The following CERS2 variants were observed in gnomAD, a reference collection of about 807,000 sequenced individuals.
CERS2 encodes the protein LAG1 homolog, ceramide synthase 2.
In CERS2, 20 loss-of-function variants were observed where a neutral mutation model predicts 56.6. That is an observed-to-expected ratio of 0.35 (90% confidence interval 0.25 to 0.51). The LOEUF (loss-of-function observed/expected upper bound fraction) is 0.51. CERS2 is among the 20% of genes least tolerant of loss of function. CERS2 has a pLI of 0.96. For synonymous variants in CERS2, 187 were observed against 175.4 expected, an observed-to-expected ratio of 1.07 and a Z score of -0.52; for missense variants, 361 against 488.6, an observed-to-expected ratio of 0.74 and a Z score of 2.46.
chr1:150,968,850 C>G (rs770512285), intron 2 of CERS2, 68 bp downstream of exon 2: 9 of 1,476,548 alleles, frequency 6.1e-6, no homozygotes, highest in Non-Finnish European at 8.4e-6. Flanking sequence ...CAGCAAGGAA[C>G]AAACTTGAAG....
chr1:150,966,146 G>T lies in CERS2; in HGVS notation c.*2C>A, dbSNP rs768378257. 1.2e-6 allele frequency: 2 copies of T among 1,611,464 alleles called. No individual in the cohort carries two copies. Among genetic ancestry groups the T allele is most frequent in the South Asian group, 1.1e-5 (1 of 90,732 alleles). ...AATCTGGGAGGCAGCTGGAGTAATGGTTCAGTCATTCTTACGATGGTTGTT... is the reference window on the plus strand; with the variant it reads ...AATCTGGGAGGCAGCTGGAGTAATGTTTCAGTCATTCTTACGATGGTTGTT... On this transcript the variant is annotated 3_prime_UTR_variant, in exon 11 of 11. Coordinates refer to ENST00000368954, the MANE Select transcript of CERS2 (RefSeq NM_022075.5).
Position 150,967,137 on chromosome 1 carries a change from G to A in CERS2, c.678C>T (p.Ala226=), listed in dbSNP as rs769211067. ...TIILISFSWF[A]NYIRAGTLIM... Reference sequence around the variant, plus strand: ...TTAGAGTCCCAGCTCGGATGTAATTGGCAAACCAGGAAAAGCTGATGAGAA... The same window carrying A: ...TTAGAGTCCCAGCTCGGATGTAATTAGCAAACCAGGAAAAGCTGATGAGAA... Residue 226 remains alanine (A), a synonymous_variant, in exon 8 of 11, where the codon GCC becomes GCT. Transcript: ENST00000368954. The A allele has an allele frequency of 1.2e-6, 2 of 1,613,770 alleles. No individual in the cohort carries two copies. The highest frequency in any genetic ancestry group is 1.1e-5 in the South Asian group (1 of 91,064).
intron 10 of CERS2, 22 bp downstream of exon 10, chr1:150,966,454 C>T: frequency 6.2e-7 from 1 of 1,613,834 alleles, no homozygotes; most frequent in South Asian, 1.1e-5. Flanking sequence ...GTAAGGCCTA[C>T]ACAATGGGAA....
At chr1:150,971,951 G>T in intron 1 of CERS2, 1 of 468,930 alleles carries the variant, frequency 2.1e-6, no homozygotes, top group South Asian at 1.6e-5. Context: ...CCCCAACCAG[G>T]TCTGTGAAAA....
rs1158135682 is a variant in CERS2, at chr1:150,966,045, ACT to A, written c.*101_*102del. The A allele has an allele frequency of 1.6e-6, 2 of 1,226,942 alleles. No homozygotes were observed. Among genetic ancestry groups the A allele is most frequent in the Non-Finnish European group, 2.2e-6 (2 of 890,928 alleles). The allele number at this position is 1,226,942 out of a possible 1,614,324, so 76.0% of individuals were successfully genotyped here. On this transcript the variant is annotated 3_prime_UTR_variant, in exon 11 of 11. Coordinates refer to ENST00000368954, the MANE Select transcript of CERS2 (RefSeq NM_022075.5). ...GGAGGATGCAGAGAACTCTCCTCTC[ACT>A]TTCTCCTTTTTCCCCAGAGCTTAAA...
At chr1:150,973,984 G>A in intron 1 of CERS2, 1 of 152,800 alleles carries the variant, frequency 6.5e-6, no homozygotes, top group Non-Finnish European at 1.5e-5. Flanking sequence ...TCCCTTGCCA[G>A]CCATCCACAC....
chr1:150,966,709 G>C (rs774874476), intron 9 of CERS2, 47 bp downstream of exon 9: 7 of 1,598,758 alleles, frequency 4.4e-6, no homozygotes, highest in African/African-American at 1.3e-5. Flanking sequence ...GAAAGGCAAG[G>C]CTCCTGATTT....
intron 1 of CERS2, among the ~76,000 whole-genome samples, chr1:150,970,585 G>A (rs1671154204): frequency 6.6e-6 from 1 of 152,136 alleles, no homozygotes; most frequent in Non-Finnish European, 1.5e-5. Flanking sequence ...CCACCTCCCA[G>A]GTTCAAGCCA....
rs370697718 is a variant in CERS2 at position 150,968,888 on chromosome 1, GA to G, written c.173+29del. Reference sequence around the variant, plus strand: ...CAAGAAACTGCAACTGGCAACAGGGGAAGGCATGAGGGTAGGCTGGCATGCT... The same window carrying G: ...CAAGAAACTGCAACTGGCAACAGGGGAGGCATGAGGGTAGGCTGGCATGCT... On this transcript the variant is annotated intron_variant, in intron 2 of 10. Coordinates refer to ENST00000368954, the MANE Select transcript of CERS2 (RefSeq NM_022075.5). The G allele has an allele frequency of 1.5e-4, 239 of 1,599,676 alleles. No homozygotes were observed. In the African/African-American group the frequency reaches 2.9e-3, roughly 19 times the overall value.
chr1:150,968,561 G>A (rs1282934721), intron 2 of CERS2, 49 bp from the exon 3 acceptor site: 2 of 1,440,640 alleles, frequency 1.4e-6, no homozygotes, highest in African/African-American at 1.4e-5. Context: ...GAAGGGAAAG[G>A]GCTGCAAGCT....
At position 150,965,887 on chromosome 1, in the gene CERS2, T is replaced by C. The variant is rs1670995431; in HGVS notation, c.*261A>G. Reference sequence around the variant, plus strand: ...AGCTGAGGGAGGGCCTCAAAAGCAGTAGAAAGGATGACTTGGCGGGTAGGG... The same window carrying C: ...AGCTGAGGGAGGGCCTCAAAAGCAGCAGAAAGGATGACTTGGCGGGTAGGG... On this transcript the variant is annotated 3_prime_UTR_variant, in exon 11 of 11. Coordinates refer to ENST00000368954, the MANE Select transcript of CERS2 (RefSeq NM_022075.5). 1 of 401,586 alleles carries C rather than the reference T, an allele frequency of 2.5e-6. No homozygotes were observed. The highest frequency in any genetic ancestry group is 4.4e-6 in the Non-Finnish European group (1 of 226,596). 24.9% of individuals were successfully genotyped at this position (401,586 alleles called of 1,614,324 possible). A position where few individuals can be genotyped will look rare whatever the true frequency, so the allele number is the denominator to read the frequency against.
At chr1:150,972,279 C>T (rs1311645248) in intron 1 of CERS2, among the ~76,000 whole-genome samples, 1 of 152,192 alleles carries the variant, frequency 6.6e-6, no homozygotes, top group Non-Finnish European at 1.5e-5. Context: ...TGGTCCTGCA[C>T]CTCCATTAGC....
At chr1:150,966,325 TC>T in intron 10 of CERS2, 37 bp from the exon 11 acceptor site, 1 of 1,608,370 alleles carries the variant, frequency 6.2e-7, no homozygotes, top group South Asian at 1.1e-5. Context: ...TTACATGAGA[TC>T]CTCAAACCCC....
At chr1:150,972,096 T>C (rs1671195586) in intron 1 of CERS2, among the ~76,000 whole-genome samples, 1 of 152,164 alleles carries the variant, frequency 6.6e-6, no homozygotes, top group African/African-American at 2.4e-5. Context: ...AAGTAGGCAC[T>C]AGAGCATGGT....
rs767808328 is a variant in CERS2, at chr1:150,966,109, G to C, written c.*39C>G. 3 of 1,600,208 alleles carry C rather than the reference G, an allele frequency of 1.9e-6. No homozygotes were observed. The highest frequency in any genetic ancestry group is 2.6e-6 in the Non-Finnish European group (3 of 1,172,742). ...GCGCAGGGAGCGGGGTAGTTCCTTG[G>C]CTTTATGCATTAATCTGGGAGGCAG... On this transcript the variant is annotated 3_prime_UTR_variant, in exon 11 of 11. Transcript: ENST00000368954.
At position 150,967,833 on chromosome 1, in the gene CERS2, G is replaced by A; in HGVS notation, c.455C>T (p.Ala152Val). The A allele has an allele frequency of 6.2e-7, 1 of 1,613,746 alleles. No individual in the cohort carries two copies. The highest frequency in any genetic ancestry group is 8.5e-7 in the Non-Finnish European group (1 of 1,179,632). ...ATCCCCACTCACATCCACAATGACGGCCATGCCGGCAATGAAGGCAATCAG... is the reference window on the plus strand; with the variant it reads ...ATCCCCACTCACATCCACAATGACGACCATGCCGGCAATGAAGGCAATCAG... ...FYLIAFIAGM[A>V]VIVDKPWFYD... is the part of the protein sequence containing the mutation. Residue 152 changes from alanine (A) to valine (V), a missense_variant, in exon 5 of 11, where the codon GCC becomes GTC. Physicochemically the swap from Ala to Val is moderately conservative, Grantham distance 64. Transcript: ENST00000368954.
At chr1:150,967,608 T>C (rs1671061330) in intron 6 of CERS2, 56 bp downstream of exon 6, 1 of 1,519,250 alleles carries the variant, frequency 6.6e-7, no homozygotes. Flanking sequence ...CCACAAACCG[T>C]CTCTTCACTA....
At chr1:150,973,413 G>A (rs955104547) in intron 1 of CERS2, among the ~76,000 whole-genome samples, 1 of 152,258 alleles carries the variant, frequency 6.6e-6, no homozygotes, top group Non-Finnish European at 1.5e-5. Flanking sequence ...TGAGGGATCA[G>A]CCAGCCTATG....
intron 1 of CERS2, among the ~76,000 whole-genome samples, chr1:150,973,743 C>T (rs1305515700): frequency 6.6e-6 from 1 of 152,220 alleles, no homozygotes; most frequent in African/African-American, 2.4e-5. Flanking sequence ...GGACTCACTT[C>T]TCCAGGAACA....
Sources: allele counts gnomAD v4.1 joint callset (sites outside exome capture counted in the v4.1 genomes callset), GRCh38; gene constraint gnomAD v4.1.1; transcripts MANE v1.5; gene names NCBI Gene and HGNC (gene_info 2026-07-23, HGNC 2026-07-21).